Variants in ADAM9 observed in about 807,000 individuals in gnomAD.
ADAM9 encodes disintegrin and metalloproteinase domain-containing protein 9.
In ADAM9, 54 loss-of-function variants were observed where a neutral mutation model predicts 108.1. The observed-to-expected ratio is 0.50, with a 90% confidence interval of 0.40 to 0.63. The LOEUF (loss-of-function observed/expected upper bound fraction) is 0.63. ADAM9 is among the 20% of genes least tolerant of loss of function. The pLI is 0.00. For synonymous variants in ADAM9, 316 were observed against 336.0 expected (o/e 0.94, Z 0.65); for missense variants, 830 against 997.7 (o/e 0.83, Z 2.26).
At chr8:39,079,901 TTA>T (rs1427266795) in intron 16 of ADAM9, among the ~76,000 whole-genome samples, 2 of 152,248 alleles carry the variant, frequency 1.3e-5, no homozygotes, top group South Asian at 4.1e-4. Context: ...TATCATGAAA[TTA>T]TATCAGTCTT....
intron 1 of ADAM9, among the ~76,000 whole-genome samples, chr8:39,000,057 C>G (rs1371940908): frequency 1.3e-5 from 2 of 151,784 alleles, no homozygotes; most frequent in Non-Finnish European, 2.9e-5. Flanking sequence ...TGGAGTCTTG[C>G]TGTGTCGCCC....
intron 15 of ADAM9, 125 bp from the exon 16 acceptor site, chr8:39,077,103 T>A: frequency 9.2e-7 from 1 of 1,082,494 alleles, no homozygotes; most frequent in Non-Finnish European, 1.4e-6. Flanking sequence ...CTTGCTCTCA[T>A]ACACTTTCTC....
chr8:39,099,286 C>T (rs764021443), intron 20 of ADAM9, among the ~76,000 whole-genome samples: 1 of 152,142 alleles, frequency 6.6e-6, no homozygotes, highest in Non-Finnish European at 1.5e-5. Flanking sequence ...AAGATTTCCA[C>T]AGGACAAAGG....
intron 18 of ADAM9, among the ~76,000 whole-genome samples, chr8:39,088,944 A>G (rs932087791): frequency 9.9e-5 from 15 of 152,130 alleles, no homozygotes; most frequent in Non-Finnish European, 2.1e-4. Context: ...AAAAATAAAT[A>G]ATGTTTCCTT....
At chr8:39,066,147 A>G (rs953899217) in intron 14 of ADAM9, among the ~76,000 whole-genome samples, 1 of 152,162 alleles carries the variant, frequency 6.6e-6, no homozygotes, top group Non-Finnish European at 1.5e-5. Flanking sequence ...AATCCAGTCT[A>G]TCATTGATGG....
Position 39,018,649 on chromosome 8 carries a change from A to G in ADAM9, c.607-204A>G. Reference sequence around the variant, plus strand: ...ACATAGTTTATCATCACTTAAAGTCATTAGCAGAACTGGACAAAGTTTTCA... The same window carrying G: ...ACATAGTTTATCATCACTTAAAGTCGTTAGCAGAACTGGACAAAGTTTTCA... On this transcript the variant is annotated intron_variant, in intron 6 of 21. Coordinates refer to ENST00000487273, the MANE Select transcript of ADAM9 (RefSeq NM_003816.3). 1.5e-5 allele frequency: 9 copies of G among 599,050 alleles called. 1 individual carries two copies. In the South Asian group the frequency reaches 1.9e-4, roughly 12 times the overall value. 37.1% of individuals were successfully genotyped at this position (599,050 alleles called of 1,614,324 possible). A position where few individuals can be genotyped will look rare whatever the true frequency, so the allele number is the denominator to read the frequency against.
At chr8:39,081,614 A>G (rs538819521) in intron 16 of ADAM9, among the ~76,000 whole-genome samples, 10 of 152,346 alleles carry the variant, frequency 6.6e-5, no homozygotes, top group African/African-American at 2.2e-4. Context: ...ATTTTAAATC[A>G]TATATGTCCT....
chr8:39,013,686 G>A (rs1470021614), intron 3 of ADAM9, among the ~76,000 whole-genome samples: 1 of 151,796 alleles, frequency 6.6e-6, no homozygotes, highest in African/African-American at 2.4e-5. Context: ...ATTTTTTGTA[G>A]TGACAGGGTC....
intron 1 of ADAM9, among the ~76,000 whole-genome samples, chr8:39,004,825 A>G (rs1836110710): frequency 6.6e-6 from 1 of 152,206 alleles, no homozygotes; most frequent in African/African-American, 2.4e-5. Flanking sequence ...ATGCTAATGT[A>G]TTATAATTAG....
rs149721010 is a variant in ADAM9, at chr8:39,038,672, C to T, written c.1131-3274C>T. On this transcript the variant is annotated intron_variant, in intron 11 of 21. Coordinates refer to ENST00000487273, the MANE Select transcript of ADAM9 (RefSeq NM_003816.3). ...TCATCCCTTGCACCAAGAAGAATGC[C>T]TTGTACATAATAGATATTCAGTAAA... Among the ~76,000 whole-genome samples the T allele has an allele frequency of 3.3e-5, 5 of 152,212 alleles. No individual in the cohort carries two copies. In the East Asian group the frequency reaches 5.8e-4, roughly 18 times the overall value.
At chr8:39,049,088 G>A (rs1837870169) in intron 12 of ADAM9, among the ~76,000 whole-genome samples, 1 of 150,852 alleles carries the variant, frequency 6.6e-6, no homozygotes, top group African/African-American at 2.4e-5. Flanking sequence ...TTCTTGATAG[G>A]GAAGGATTTA....
At chr8:39,036,995 T>C (rs1837296595) in intron 11 of ADAM9, among the ~76,000 whole-genome samples, 1 of 151,900 alleles carries the variant, frequency 6.6e-6, no homozygotes, top group African/African-American at 2.4e-5. Flanking sequence ...GTAGACTTTA[T>C]GTAGGTTGAA....
chr8:39,097,275 C>T (rs1357720200), intron 20 of ADAM9, among the ~76,000 whole-genome samples: 1 of 151,432 alleles, frequency 6.6e-6, no homozygotes. Context: ...CTCAAGAGCA[C>T]CCCCAGGTGT....
At chr8:39,059,829 T>G (rs758474098) in intron 14 of ADAM9, among the ~76,000 whole-genome samples, 3 of 152,222 alleles carry the variant, frequency 2.0e-5, no homozygotes, top group African/African-American at 7.2e-5. Context: ...GGTCTCCGTC[T>G]TCTTTTCTAC....
At chr8:39,065,407 C>G (rs1466542439) in intron 14 of ADAM9, among the ~76,000 whole-genome samples, 1 of 151,818 alleles carries the variant, frequency 6.6e-6, no homozygotes, top group African/African-American at 2.4e-5. Flanking sequence ...GTAATCCCAG[C>G]TCTTTGGGAG....
rs1476160537 is a variant in ADAM9 at position 39,037,663 on chromosome 8, T to A, written c.1131-4283T>A. 7.2e-5 allele frequency among the ~76,000 whole-genome samples: 11 copies of A among 152,084 alleles called. 1 individual carries two copies. In the South Asian group the frequency reaches 2.3e-3, roughly 32 times the overall value. ...AATTCCTGGGCTCAAGTGATCCTCT[T>A]GCCTTAGCTTCCCAAAGCATTGGGA... On this transcript the variant is annotated intron_variant, in intron 11 of 21. Transcript: ENST00000487273.
At chr8:39,014,145 A>T (rs770166682) in intron 4 of ADAM9, 102 bp downstream of exon 4, 9 of 925,858 alleles carry the variant, frequency 9.7e-6, no homozygotes, top group Admixed American at 9.0e-5. Context: ...GCACAGCCCC[A>T]CAGGGTACCT....
chr8:39,031,868 T>C (rs774578120), intron 11 of ADAM9, among the ~76,000 whole-genome samples: 1 of 152,226 alleles, frequency 6.6e-6, no homozygotes, highest in Non-Finnish European at 1.5e-5. Context: ...GTTGATGCTA[T>C]TCCTTTCTGT....
chr8:39,035,514 A>AT (rs907011961), intron 11 of ADAM9, among the ~76,000 whole-genome samples: 11 of 152,012 alleles, frequency 7.2e-5, no homozygotes, highest in Non-Finnish European at 1.5e-5. Context: ...TATATTTAAA[A>AT]TTTTTTTTAA....
Sources: allele counts gnomAD v4.1 joint callset (sites outside exome capture counted in the v4.1 genomes callset), GRCh38; gene constraint gnomAD v4.1.1; transcripts MANE v1.5; gene names NCBI Gene and HGNC (gene_info 2026-07-23, HGNC 2026-07-21).